Variants in RNF17 observed in about 807,000 individuals in gnomAD.
RNF17 encodes spermatogenesis associated 23.
In RNF17, 31 loss-of-function variants were observed where a neutral mutation model predicts 200.5. The observed-to-expected ratio is 0.15, with a 90% CI of 0.12 to 0.21. The LOEUF is 0.21. RNF17 is among the 10% of genes least tolerant of loss of function. The pLI is 1.00. For missense variants in RNF17, 1,628 were observed against 1,905.1 expected, an observed-to-expected ratio of 0.85 and a Z score of 2.71; for synonymous variants, 606 against 637.8, an observed-to-expected ratio of 0.95 and a Z score of 0.75.
At chr13:24,851,132 C>A (rs1010240108) in intron 23 of RNF17, among the ~76,000 whole-genome samples, 1 of 152,164 alleles carries the variant, frequency 6.6e-6, no homozygotes, top group Non-Finnish European at 1.5e-5. Context: ...GTAGCTGGGA[C>A]TACAGGCATG....
At chr13:24,759,079 CAA>C in the RNF17 span, among the ~76,000 whole-genome samples, 31 of 65,364 alleles carry the variant, frequency 4.7e-4, no homozygotes, top group East Asian at 8.5e-3. Context: ...ACTGTGTCTC[CAA>C]AAAAAAAAAA....
Position 24,837,614 on chromosome 13 carries a change from C to T in RNF17, c.2483-4427C>T, listed in dbSNP as rs542721443. Among the ~76,000 whole-genome samples, 18 of 152,184 alleles carry T rather than the reference C, an allele frequency of 1.2e-4. No individual in the cohort carries two copies. The East Asian group carries it at 3.1e-3, about 26-fold the overall frequency. On this transcript the variant is annotated intron_variant, in intron 18 of 35. Coordinates refer to ENST00000255324, the MANE Select transcript of RNF17 (RefSeq NM_031277.3). ...ATGAGCATTGGGTCAAAAACAAAAT[C>T]AAGATGGAAATTAAAAATTTCTTCA...
chr13:24,787,189 T>C (rs188525030), intron 6 of RNF17, among the ~76,000 whole-genome samples: 21 of 152,316 alleles, frequency 1.4e-4, no homozygotes. Flanking sequence ...ATAATTTCTC[T>C]ATGTTGATAT....
In RNF17 at chr13:24,827,704, AAAAAAAAAAAAAAC is replaced by A. The variant is rs1234214721; in HGVS notation, c.2245+1949_2245+1962del. Among the ~76,000 whole-genome samples the A allele has an allele frequency of 5.5e-3, 595 of 108,638 alleles. 9 individuals are homozygous for A. The highest frequency in any genetic ancestry group is 0.025 in the African/African-American group (569 of 23,144). The allele number at this position is 108,638 out of a possible 152,430, so 71.3% of individuals were successfully genotyped here. Reference sequence around the variant, plus strand: ...GCGACAGAGCGAGACTCCGTCTCAAAAAAAAAAAAAAAACAAAAAAAAAAAAACAATAGAAATTT... The same window carrying A: ...GCGACAGAGCGAGACTCCGTCTCAAAAAAAAAAAAAAAACAATAGAAATTT... On this transcript the variant is annotated intron_variant, in intron 16 of 35. Transcript: ENST00000255324.
At chr13:24,780,105 C>G (rs1277279143) in intron 5 of RNF17, among the ~76,000 whole-genome samples, 1 of 152,100 alleles carries the variant, frequency 6.6e-6, no homozygotes, top group Non-Finnish European at 1.5e-5. Context: ...AAAAGAGACT[C>G]TCTCATTTGG....
At chr13:24,791,464 T>C (rs914240570) in intron 9 of RNF17, among the ~76,000 whole-genome samples, 2 of 152,160 alleles carry the variant, frequency 1.3e-5, no homozygotes, top group Non-Finnish European at 2.9e-5. Context: ...GAAGATAGTA[T>C]GTTGAGTACT....
the RNF17 span, among the ~76,000 whole-genome samples, chr13:24,753,556 G>T: frequency 6.6e-6 from 1 of 152,170 alleles, no homozygotes; most frequent in Non-Finnish European, 1.5e-5. Flanking sequence ...AGTTGAGGAA[G>T]AGAGAGGAGA....
chr13:24,887,750 A>G, the RNF17 span, among the ~76,000 whole-genome samples: 2 of 152,214 alleles, frequency 1.3e-5, no homozygotes, highest in African/African-American at 2.4e-5. Context: ...ACCCCAGTCC[A>G]TGGAAAAATT....
At chr13:24,838,418 AT>A (rs1890241075) in intron 18 of RNF17, among the ~76,000 whole-genome samples, 1 of 152,230 alleles carries the variant, frequency 6.6e-6, no homozygotes, top group Non-Finnish European at 1.5e-5. Flanking sequence ...ATGAACATAG[AT>A]GTTAAAATCC....
At chr13:24,827,442 T>C (rs1888801982) in intron 16 of RNF17, among the ~76,000 whole-genome samples, 1 of 152,022 alleles carries the variant, frequency 6.6e-6, no homozygotes, top group Non-Finnish European at 1.5e-5. Flanking sequence ...TTTTCAAATG[T>C]GGTTCTTATG....
At chr13:24,827,394 A>T (rs1344767252) in intron 16 of RNF17, among the ~76,000 whole-genome samples, 2 of 152,128 alleles carry the variant, frequency 1.3e-5, no homozygotes, top group Non-Finnish European at 2.9e-5. Context: ...CACTGATTTT[A>T]ATTTTGTTAA....
intron 6 of RNF17, among the ~76,000 whole-genome samples, chr13:24,782,587 C>T (rs1357977010): frequency 3.0e-5 from 4 of 135,158 alleles, no homozygotes; most frequent in African/African-American, 1.1e-4. Context: ...TGTCTAAGCT[C>T]ACTTTGGGAG....
chr13:24,760,632 C>T (rs1425954488), upstream of RNF17, among the ~76,000 whole-genome samples: 2 of 151,930 alleles, frequency 1.3e-5, no homozygotes, highest in African/African-American at 2.4e-5. Flanking sequence ...AGGATTACAT[C>T]GAACTATTAA....
chr13:24,824,306 C>T, intron 15 of RNF17: 1 of 653,332 alleles, frequency 1.5e-6, no homozygotes, highest in Non-Finnish European at 2.8e-6. Context: ...CATTCCTCTG[C>T]TGAATTTTTA....
At chr13:24,862,860 A>C in intron 28 of RNF17, 67 bp downstream of exon 28, 1 of 958,462 alleles carries the variant, frequency 1.0e-6, no homozygotes, top group East Asian at 2.6e-5. Context: ...ACATAATTTG[A>C]GGGATATTTT....
intron 15 of RNF17, among the ~76,000 whole-genome samples, chr13:24,811,165 T>C (rs1192045831): frequency 6.6e-6 from 1 of 150,536 alleles, no homozygotes; most frequent in Admixed American, 6.7e-5. Context: ...GTTCTCTGTA[T>C]TTCCTGAATC....
chr13:24,764,737 G>A (rs1251806174), intron 1 of RNF17, among the ~76,000 whole-genome samples: 1 of 152,216 alleles, frequency 6.6e-6, no homozygotes, highest in African/African-American at 2.4e-5. Context: ...GGAGTAACAA[G>A]TAGACCATTG....
chr13:24,778,255 C>A, intron 3 of RNF17, 40 bp from the exon 4 acceptor site: 1 of 1,361,518 alleles, frequency 7.3e-7, no homozygotes, highest in Non-Finnish European at 1.0e-6. Flanking sequence ...GAGAAAGATC[C>A]TGTCACAAAA....
In RNF17 at chr13:24,850,483, A is replaced by C. The variant is rs765509340; in HGVS notation, c.3204+40A>C. 2.8e-5 allele frequency: 34 copies of C among 1,212,156 alleles called. No homozygotes were observed. The Middle Eastern group carries it at 1.1e-3, about 38-fold the overall frequency. 75.1% of individuals were successfully genotyped at this position (1,212,156 alleles called of 1,614,324 possible). The stretch of plus-strand genomic sequence containing the variant: ...GAGATATGTGCTGATGATCTCATTA[A>C]TGTTTCCATCGATTCCATTTATTTT... On this transcript the variant is annotated intron_variant, in intron 23 of 35. Transcript: ENST00000255324.
Sources: gnomAD v4.1 joint callset for allele counts (sites outside exome capture counted in the v4.1 genomes callset) on GRCh38, gnomAD v4.1.1 for gene constraint, MANE v1.5 for transcripts, NCBI Gene and HGNC (gene_info 2026-07-23, HGNC 2026-07-21) for gene names.